The following CFAP44 variants were observed in gnomAD, a reference collection of about 807,000 sequenced individuals.
CFAP44 encodes cilia and flagella associated protein 44.
A neutral mutation model predicts 216.2 loss-of-function variants in CFAP44; 134 were observed. The observed-to-expected ratio is 0.62, with a 90% CI of 0.54 to 0.72. The LOEUF is 0.72. Ranked by LOEUF, CFAP44 falls within the 30% of genes least tolerant of loss-of-function variation. The pLI, the probability that CFAP44 is intolerant of heterozygous loss-of-function variation, is 0.00. For missense variants in CFAP44, 2,035 were observed against 2,182.1 expected, an observed-to-expected ratio of 0.93 and a Z score of 1.34; for synonymous variants, 700 against 727.6, an observed-to-expected ratio of 0.96 and a Z score of 0.61.
In CFAP44 at chr3:113,418,879, T is replaced by A. The variant is rs571200045; in HGVS notation, c.570+1138A>T. 2.6e-5 allele frequency among the ~76,000 whole-genome samples: 4 copies of A among 152,048 alleles called. No individual in the cohort carries two copies. The South Asian group carries it at 8.3e-4, about 32-fold the overall frequency. On this transcript the variant is annotated intron_variant, in intron 5 of 34. Transcript: ENST00000393845. The stretch of plus-strand genomic sequence containing the variant: ...GCCACCATGCCTGGCTAATTTTTTG[T>A]ATCTTTAGTAGAGACAGGGTTTCAC...
intron 30 of CFAP44, among the ~76,000 whole-genome samples, chr3:113,305,700 C>T (rs897445115): frequency 6.6e-6 from 1 of 152,042 alleles, no homozygotes; most frequent in East Asian, 1.9e-4. Flanking sequence ...GACAAGAGTA[C>T]CTAAGAGGGA....
At chr3:113,441,411 G>A in intron 1 of CFAP44, 42 bp downstream of exon 1, 1 of 985,916 alleles carries the variant, frequency 1.0e-6, no homozygotes, top group Non-Finnish European at 1.2e-6. Flanking sequence ...AGATTTAAGG[G>A]GGAGGGTGTG....
intron 11 of CFAP44, 38 bp downstream of exon 11, chr3:113,401,202 T>G: frequency 6.5e-7 from 1 of 1,534,538 alleles, no homozygotes; most frequent in Non-Finnish European, 8.8e-7. Context: ...GTTTTTACTA[T>G]GAAAGTTAGG....
At chr3:113,327,184 T>C (rs2107808581) in intron 27 of CFAP44, among the ~76,000 whole-genome samples, 1 of 152,272 alleles carries the variant, frequency 6.6e-6, no homozygotes, top group East Asian at 1.9e-4. Flanking sequence ...TCTTATGATA[T>C]TCAATCATAT....
intron 28 of CFAP44, among the ~76,000 whole-genome samples, chr3:113,319,219 C>G (rs1346031244): frequency 6.6e-6 from 1 of 151,904 alleles, no homozygotes; most frequent in Admixed American, 6.6e-5. Context: ...CCCATTGGCT[C>G]AAAGTGAAAG....
At chr3:113,335,095 G>A (rs1950271377) in intron 24 of CFAP44, among the ~76,000 whole-genome samples, 1 of 152,076 alleles carries the variant, frequency 6.6e-6, no homozygotes. Flanking sequence ...AGGGAGGGAA[G>A]GGAAGAGAAG....
chr3:113,403,971 C>T lies in CFAP44; in HGVS notation c.1051G>A (p.Gly351Ser), dbSNP rs750092086. 76 of 1,613,972 alleles carry T rather than the reference C, an allele frequency of 4.7e-5. No individual in the cohort carries two copies. In the South Asian group the frequency reaches 8.0e-4, roughly 17 times the overall value. The change falls in exon 9 of 35, where the codon GGT (glycine) becomes AGT (serine). Residue 351 changes from glycine to serine, a missense_variant. Physicochemically the swap from Gly to Ser is moderately conservative, Grantham distance 56. Around this residue, in one of 3 missense-constraint regions of CFAP44, gnomAD observed 1,883 missense variants for 2,023.7 expected, o/e 0.93. Transcript: ENST00000393845. ...EWGNMLLWEGGLIKVELCRGT... is the reference protein window; with the variant it reads ...EWGNMLLWEGSLIKVELCRGT... ...CGACAGAGCTCCACTTTGATCAGACCACCTTCCCAAAGCAGCATGTTGCCC... is the reference window on the plus strand; with the variant it reads ...CGACAGAGCTCCACTTTGATCAGACTACCTTCCCAAAGCAGCATGTTGCCC...
chr3:113,327,716 G>T lies in CFAP44; in HGVS notation c.4220C>A (p.Thr1407Asn). 6.5e-7 allele frequency: 1 copy of T among 1,536,908 alleles called. No individual in the cohort carries two copies. The highest frequency in any genetic ancestry group is 8.7e-7 in the Non-Finnish European group (1 of 1,146,690). The part of the protein sequence containing the change: ...QMKLSDLHHV[T>N]LFQEILLLKN... ...CAGGAGAAGTATTTCTTGAAATAAG[G>T]TGACATGGTGCAGGTCAGATAATTT... The change falls in exon 27 of 35, where the codon ACC becomes AAC. Residue 1407 changes from threonine (T) to asparagine (N), a missense_variant. Physicochemically the swap from Thr to Asn is moderately conservative, Grantham distance 65. Coordinates refer to ENST00000393845, the MANE Select transcript of CFAP44 (RefSeq NM_001164496.2).
intron 25 of CFAP44, among the ~76,000 whole-genome samples, chr3:113,332,603 C>A (rs1230920344): frequency 6.6e-6 from 1 of 152,012 alleles, no homozygotes. Flanking sequence ...GACCTTTAAG[C>A]CTTTAAGTAT....
At position 113,391,938 on chromosome 3, in the gene CFAP44, T is replaced by G. The variant is rs117483743; in HGVS notation, c.1890+3812A>C. On this transcript the variant is annotated intron_variant, in intron 15 of 34. Coordinates refer to ENST00000393845, the MANE Select transcript of CFAP44 (RefSeq NM_001164496.2). ...AAGAATGTGGAGTAAATTATACTGT[T>G]GGTAGGAATGTAAATTAGTACAACC... Among the ~76,000 whole-genome samples, 26 of 152,288 alleles carry G rather than the reference T, an allele frequency of 1.7e-4. No individual in the cohort carries two copies. In the East Asian group the frequency reaches 5.0e-3, roughly 29 times the overall value.
rs1950233498 is a variant in CFAP44, at chr3:113,330,643, T to C, written c.3641A>G (p.Asn1214Ser). ...GTCTCTAAGAGAGAGAATGCACTTG[T>C]TCATGTGCCTTTTATTTCCATGGAC... is the stretch of plus-strand genomic sequence containing the variant. ...SLVHGNKRHM[N>S]KCILSLRDLK... The change falls in exon 26 of 35, where the codon AAC becomes AGC. Residue 1214 changes from asparagine (N) to serine (S), a missense_variant. This residue lies in a region of CFAP44 where 1,883 missense variants were observed against 2,023.7 expected (regional missense o/e 0.93). Transcript: ENST00000393845. 6.5e-7 allele frequency: 1 copy of C among 1,532,810 alleles called. No homozygotes were observed. The highest frequency in any genetic ancestry group is 2.0e-5 in the Admixed American group (1 of 50,042). The allele number at this position is 1,532,810 out of a possible 1,614,324, so 95.0% of individuals were successfully genotyped here.
rs994951676 is a variant in CFAP44 at position 113,301,307 on chromosome 3, C to CT, written c.5077+2608dup. Among the ~76,000 whole-genome samples the CT allele has an allele frequency of 3.3e-5, 5 of 151,790 alleles. No homozygotes were observed. In the South Asian group the frequency reaches 8.3e-4, roughly 25 times the overall value. ...TATTTAGAAGTACATGTAAATATAACTTTTTTTTAATGAAAGGGAATGCTA... is the reference window on the plus strand; with the variant it reads ...TATTTAGAAGTACATGTAAATATAACTTTTTTTTTAATGAAAGGGAATGCTA... On this transcript the variant is annotated intron_variant, in intron 32 of 34. Coordinates refer to ENST00000393845, the MANE Select transcript of CFAP44 (RefSeq NM_001164496.2).
chr3:113,334,937 T>C (rs1262570663), intron 24 of CFAP44, among the ~76,000 whole-genome samples: 1 of 152,194 alleles, frequency 6.6e-6, no homozygotes, highest in Non-Finnish European at 1.5e-5. Flanking sequence ...CACATAGCTC[T>C]CACAGGAAAC....
intron 8 of CFAP44, among the ~76,000 whole-genome samples, chr3:113,405,659 T>C (rs114625238): frequency 6.6e-6 from 1 of 152,206 alleles, no homozygotes; most frequent in Non-Finnish European, 1.5e-5. Flanking sequence ...CTCTAAAAAT[T>C]TGATATTTAT....
Position 113,288,213 on chromosome 3 carries a change from G to C in CFAP44, c.*3344C>G, listed in dbSNP as rs549598210. 6.6e-6 allele frequency: 1 copy of C among 152,150 alleles called. No individual in the cohort carries two copies. The highest frequency in any genetic ancestry group is 2.4e-5 in the African/African-American group (1 of 41,444). The allele number at this position is 152,150 out of a possible 1,614,324, so 9.4% of individuals were successfully genotyped here. ...GAAGAATTTGATAAACAGGGTCCTA[G>C]GGAAGAGTCACTCTGACTGTTTAGG... On this transcript the variant is annotated 3_prime_UTR_variant, in exon 35 of 35. Transcript: ENST00000393845.
Position 113,406,981 on chromosome 3 carries a change from A to T in CFAP44, c.951T>A (p.Phe317Leu). 3 of 1,614,164 alleles carry T rather than the reference A, an allele frequency of 1.9e-6. No homozygotes were observed. Among genetic ancestry groups the T allele is most frequent in the Non-Finnish European group, 2.5e-6 (3 of 1,180,016 alleles). ...CTATATCAGTAGTGATTGTTTTGCCAAATCGACCTAGTGATCCCTGCAGCT... is the reference window on the plus strand; with the variant it reads ...CTATATCAGTAGTGATTGTTTTGCCTAATCGACCTAGTGATCCCTGCAGCT... ...GLKLQGSLGR[F>L]GKTITTDIEG... The change falls in exon 8 of 35, where the codon TTT becomes TTA. Residue 317 changes from phenylalanine to leucine, a missense_variant. Around this residue, in one of 3 missense-constraint regions of CFAP44, gnomAD observed 1,883 missense variants for 2,023.7 expected, o/e 0.93. Coordinates refer to ENST00000393845, the MANE Select transcript of CFAP44 (RefSeq NM_001164496.2).
intron 33 of CFAP44, among the ~76,000 whole-genome samples, chr3:113,295,779 C>T (rs972099647): frequency 6.6e-6 from 1 of 152,176 alleles, no homozygotes; most frequent in African/African-American, 2.4e-5. Context: ...TGCCTTGTTA[C>T]AAAATTTATT....
intron 2 of CFAP44, among the ~76,000 whole-genome samples, chr3:113,428,106 A>C (rs1935011600): frequency 6.6e-6 from 1 of 152,232 alleles, no homozygotes; most frequent in Admixed American, 6.5e-5. Context: ...GATGGCAAGA[A>C]AGTAATCCTG....
intron 26 of CFAP44, among the ~76,000 whole-genome samples, chr3:113,329,295 A>G (rs1950220298): frequency 1.3e-5 from 2 of 152,240 alleles, no homozygotes; most frequent in African/African-American, 2.4e-5. Context: ...GAACTGAGCC[A>G]TGCTTTGAAT....
Sources: allele counts gnomAD v4.1 joint callset (sites outside exome capture counted in the v4.1 genomes callset), GRCh38; gene constraint gnomAD v4.1.1; regional missense constraint gnomAD v4.1.1; transcripts MANE v1.5; gene names NCBI Gene and HGNC (gene_info 2026-07-23, HGNC 2026-07-21).